HSD17B11: variants seen among roughly 807,000 people sequenced by gnomAD.
HSD17B11 encodes the protein estradiol 17-beta-dehydrogenase 11.
HSD17B11 carries 22 observed loss-of-function variants against 27.8 expected under a neutral mutation model. The ratio of observed to expected loss-of-function variants is 0.79; its 90% CI spans 0.56 to 1.13. The LOEUF is 1.13. HSD17B11 is among the 50% of genes most tolerant of loss of function. The pLI is 0.00. For missense variants in HSD17B11, 314 were observed against 351.1 expected (o/e 0.89, Z 0.84); for synonymous variants, 117 against 132.8 (o/e 0.88, Z 0.82).
At chr4:87,380,618 G>A (rs1215286990) in intron 2 of HSD17B11, among the ~76,000 whole-genome samples, 1 of 151,730 alleles carries the variant, frequency 6.6e-6, no homozygotes, top group African/African-American at 2.4e-5. Context: ...CAGCACTTTT[G>A]GAGGCCGAGG....
At chr4:87,373,848 C>A (rs1413956514) in intron 3 of HSD17B11, among the ~76,000 whole-genome samples, 1 of 152,158 alleles carries the variant, frequency 6.6e-6, no homozygotes, top group Non-Finnish European at 1.5e-5. Flanking sequence ...GATTAGTCAT[C>A]CCAAACTCAC....
intron 3 of HSD17B11, among the ~76,000 whole-genome samples, chr4:87,373,821 C>A (rs1423767497): frequency 1.3e-5 from 2 of 152,176 alleles, no homozygotes; most frequent in Non-Finnish European, 2.9e-5. Flanking sequence ...TTTTTATAAA[C>A]CCCAATATTC....
At chr4:87,338,311 G>C (rs7665638) in intron 6 of HSD17B11, among the ~76,000 whole-genome samples, 9,054 of 152,078 alleles carry the variant, frequency 0.06, 872 homozygotes, top group African/African-American at 0.21. Flanking sequence ...TATTTAGGGA[G>C]TTGTCACATT....
intron 2 of HSD17B11, among the ~76,000 whole-genome samples, chr4:87,380,906 T>G (rs1578046816): frequency 1.6e-5 from 2 of 125,514 alleles, no homozygotes; most frequent in Non-Finnish European, 1.6e-5. Context: ...TCAGGCCAGG[T>G]GTGGTGGCTC....
At position 87,374,777 on chromosome 4, in the gene HSD17B11, G is replaced by C. The variant is rs1192399249; in HGVS notation, c.372C>G (p.Val124=). 2 of 1,592,920 alleles carry C rather than the reference G, an allele frequency of 1.3e-6. No individual in the cohort carries two copies. The highest frequency in any genetic ancestry group is 1.7e-5 in the Admixed American group (1 of 57,304). The part of the protein sequence containing the change: ...VSILVNNAGV[V]YTSDLFATQD... ...GTGTAGCAAACAAATCTGATGTATA[G>C]ACTACACCAGCATTATTTACTAAAA... Residue 124 remains valine, a synonymous_variant, in exon 3 of 7, where the codon GTC becomes GTG. Transcript: ENST00000358290.
chr4:87,368,681 A>C (rs987761692), intron 4 of HSD17B11, among the ~76,000 whole-genome samples: 53 of 152,328 alleles, frequency 3.5e-4, no homozygotes, highest in African/African-American at 1.2e-3. Flanking sequence ...CACAAAATAC[A>C]GGTCATAAAG....
intron 5 of HSD17B11, among the ~76,000 whole-genome samples, chr4:87,356,532 A>G (rs1209278875): frequency 6.6e-6 from 1 of 152,186 alleles, no homozygotes; most frequent in African/African-American, 2.4e-5. Flanking sequence ...GAAAATTCAG[A>G]GAAGTCTAGA....
At chr4:87,378,879 TA>T (rs1247295425) in intron 2 of HSD17B11, among the ~76,000 whole-genome samples, 1 of 28,898 alleles carries the variant, frequency 3.5e-5, no homozygotes, top group African/African-American at 1.4e-4. Flanking sequence ...TATATATATA[TA>T]AATATATATA....
intron 5 of HSD17B11, among the ~76,000 whole-genome samples, chr4:87,353,765 T>G (rs1735329522): frequency 6.6e-6 from 1 of 152,204 alleles, no homozygotes; most frequent in South Asian, 2.1e-4. Context: ...AATTATAACT[T>G]TTGAAAATAG....
chr4:87,337,321 A>G lies in HSD17B11; in HGVS notation c.858T>C (p.Ser286=). The change falls in exon 7 of 7, where the codon AGT becomes AGC. Residue 286 remains serine (S), a synonymous_variant. Coordinates refer to ENST00000358290, the MANE Select transcript of HSD17B11 (RefSeq NM_016245.5). ...RFLAVLKRKI[S]VKFDAVIGYK... ...ATCCAATAACTGCATCAAACTTAAC[A>G]CTGATTTTTCGTTTTAAAACTGCCA... The G allele has an allele frequency of 1.2e-6, 2 of 1,607,134 alleles. No individual in the cohort carries two copies. The highest frequency in any genetic ancestry group is 2.2e-5 in the South Asian group (2 of 90,528).
chr4:87,379,906 CATATT>C (rs201105605), intron 2 of HSD17B11, among the ~76,000 whole-genome samples: 4,784 of 145,052 alleles, frequency 0.033, 265 homozygotes, highest in African/African-American at 0.11. Context: ...CTCATATATA[CATATT>C]ATATTATATA....
In HSD17B11 at chr4:87,381,214, A is replaced by G. The variant is rs1720158822; in HGVS notation, c.318+1041T>C. Among the ~76,000 whole-genome samples, 3 of 151,212 alleles carry G rather than the reference A, an allele frequency of 2.0e-5. No individual in the cohort carries two copies. In the South Asian group the frequency reaches 6.3e-4, roughly 32 times the overall value. On this transcript the variant is annotated intron_variant, in intron 2 of 6. Coordinates refer to ENST00000358290, the MANE Select transcript of HSD17B11 (RefSeq NM_016245.5). ...AAAAAAAAAAAAAAAAAAAGAACTC[A>G]AACCAAAAATTCCATAAACAAAGAG...
intron 4 of HSD17B11, among the ~76,000 whole-genome samples, chr4:87,368,096 T>A (rs936925501): frequency 6.6e-6 from 1 of 151,974 alleles, no homozygotes; most frequent in African/African-American, 2.4e-5. Flanking sequence ...GGCGGGTGGA[T>A]CACAAGGTCA....
chr4:87,355,940 A>G (rs1305483882), intron 5 of HSD17B11, among the ~76,000 whole-genome samples: 1 of 151,890 alleles, frequency 6.6e-6, no homozygotes, highest in East Asian at 1.9e-4. Flanking sequence ...ACAAACAAAA[A>G]CAACTCTAGA....
intron 3 of HSD17B11, 96 bp from the exon 4 acceptor site, chr4:87,372,911 T>A: frequency 1.4e-6 from 1 of 739,570 alleles, no homozygotes; most frequent in Non-Finnish European, 2.3e-6. Flanking sequence ...TTTTTAACAT[T>A]AATCCTGTCA....
intron 1 of HSD17B11, among the ~76,000 whole-genome samples, chr4:87,383,759 T>A (rs1720233451): frequency 6.6e-6 from 1 of 151,578 alleles, no homozygotes; most frequent in South Asian, 2.1e-4. Flanking sequence ...TTTTTTTTTT[T>A]AACTTTTAAG....
chr4:87,380,606 C>G (rs1720127905), intron 2 of HSD17B11, among the ~76,000 whole-genome samples: 3 of 151,830 alleles, frequency 2.0e-5, no homozygotes, highest in Non-Finnish European at 4.4e-5. Flanking sequence ...CGCCTGTAAT[C>G]CCAGCACTTT....
chr4:87,360,253 C>G (rs1029512315), intron 4 of HSD17B11, among the ~76,000 whole-genome samples: 2 of 152,154 alleles, frequency 1.3e-5, no homozygotes, highest in Non-Finnish European at 2.9e-5. Context: ...AAAACACTTT[C>G]TTTCCACAGC....
intron 4 of HSD17B11, among the ~76,000 whole-genome samples, chr4:87,364,189 A>C (rs1735575584): frequency 2.6e-5 from 4 of 151,132 alleles, no homozygotes; most frequent in Admixed American, 2.6e-4. Flanking sequence ...ATTAATGCTC[A>C]CATGAAAGGC....
Sources: allele counts gnomAD v4.1 joint callset (sites outside exome capture counted in the v4.1 genomes callset), GRCh38; gene constraint gnomAD v4.1.1; transcripts MANE v1.5; gene names NCBI Gene and HGNC (gene_info 2026-07-23, HGNC 2026-07-21).